NGEF: variants seen among roughly 807,000 people sequenced by gnomAD.
NGEF encodes the protein neuronal guanine nucleotide exchange factor, also known as ephexin-1.
Under a neutral mutation model 80.9 loss-of-function variants are expected in NGEF, and 31 were observed. The ratio of observed to expected loss-of-function variants is 0.38; its 90% CI spans 0.29 to 0.52. NGEF has a LOEUF of 0.52. Ranked by LOEUF, NGEF falls within the 20% of genes least tolerant of loss-of-function variation. The probability of loss-of-function intolerance (pLI) is 0.84; values close to 1 mark genes in which losing one functional copy is unlikely to be tolerated. For missense variants in NGEF, 709 were observed against 926.2 expected (o/e 0.77, Z 3.04); for synonymous variants, 371 against 370.2 (o/e 1.00, Z -0.03).
intron 1 of NGEF, among the ~76,000 whole-genome samples, chr2:232,985,340 G>A (rs1366301140): frequency 6.6e-6 from 1 of 152,150 alleles, no homozygotes; most frequent in Admixed American, 6.5e-5. Context: ...TTATGGGCTG[G>A]GTGCCATGGT....
intron 1 of NGEF, among the ~76,000 whole-genome samples, chr2:232,982,756 C>T (rs981926251): frequency 2.0e-5 from 3 of 152,200 alleles, no homozygotes; most frequent in South Asian, 2.1e-4. Flanking sequence ...TCAGGTGATC[C>T]GCCCGCCTCA....
intron 9 of NGEF, chr2:232,885,603 C>T (rs1462718147): frequency 3.7e-6 from 2 of 544,760 alleles, no homozygotes; most frequent in Non-Finnish European, 3.3e-6. Context: ...GGTGCCTTGC[C>T]CTTGCTAGGA....
chr2:232,883,581 A>C, intron 11 of NGEF, 115 bp from the exon 12 acceptor site: 1 of 1,069,166 alleles, frequency 9.4e-7, no homozygotes, highest in East Asian at 2.8e-5. Context: ...GCTGATCTTC[A>C]CCTCCTTCTG....
intron 1 of NGEF, among the ~76,000 whole-genome samples, chr2:232,998,121 G>C (rs1007625819): frequency 6.6e-6 from 1 of 151,852 alleles, no homozygotes; most frequent in African/African-American, 2.4e-5. Flanking sequence ...CCTGGGCAGC[G>C]ATGCTCTTCC....
At chr2:232,921,627 C>CTT (rs34498818) in intron 4 of NGEF, among the ~76,000 whole-genome samples, 20,410 of 139,508 alleles carry the variant, frequency 0.15, 1,861 homozygotes, top group African/African-American at 0.26. Context: ...AGTTTTTCCT[C>CTT]TTTTTTTTTT....
intron 10 of NGEF, 181 bp downstream of exon 10, chr2:232,885,099 C>CT (rs1468611641): frequency 9.8e-5 from 59 of 602,806 alleles, no homozygotes; most frequent in Non-Finnish European, 1.2e-4. Flanking sequence ...GTGGTGGTGT[C>CT]TGACGCCTGG....
At chr2:232,976,399 C>T (rs1238551136) in intron 1 of NGEF, among the ~76,000 whole-genome samples, 1 of 152,152 alleles carries the variant, frequency 6.6e-6, no homozygotes, top group Non-Finnish European at 1.5e-5. Context: ...CAAACACCTT[C>T]TTCTACACCC....
chr2:232,914,130 C>T (rs997405268), intron 5 of NGEF, among the ~76,000 whole-genome samples: 2 of 152,174 alleles, frequency 1.3e-5, no homozygotes, highest in African/African-American at 4.8e-5. Context: ...CATTCCTTTA[C>T]ACAGTGTCTA....
At chr2:232,883,227 C>T (rs770178765) in intron 12 of NGEF, 84 bp downstream of exon 12, 9 of 1,470,240 alleles carry the variant, frequency 6.1e-6, no homozygotes, top group Non-Finnish European at 8.2e-6. Context: ...TGCCTTGTTC[C>T]ACCTGGGGAC....
intron 3 of NGEF, among the ~76,000 whole-genome samples, chr2:232,947,642 C>T (rs1351358140): frequency 6.6e-6 from 1 of 152,166 alleles, no homozygotes; most frequent in Non-Finnish European, 1.5e-5. Flanking sequence ...TTCCTGAGGC[C>T]TCCTCAGCCA....
At chr2:232,901,702 C>T (rs1234013458) in intron 5 of NGEF, among the ~76,000 whole-genome samples, 2 of 152,234 alleles carry the variant, frequency 1.3e-5, no homozygotes, top group African/African-American at 4.8e-5. Flanking sequence ...ACACAGGTCA[C>T]CCCCAGTCCT....
At chr2:232,891,257 CTG>C (rs1427839018) in intron 8 of NGEF, 99 bp downstream of exon 8, 1 of 1,445,830 alleles carries the variant, frequency 6.9e-7, no homozygotes, top group Admixed American at 1.8e-5. Context: ...AGCTTAGTAT[CTG>C]TTGAACCAGT....
intron 1 of NGEF, among the ~76,000 whole-genome samples, chr2:233,011,860 C>T (rs1259324250): frequency 6.6e-6 from 1 of 152,154 alleles, no homozygotes; most frequent in Non-Finnish European, 1.5e-5. Context: ...CCTGGCTTTC[C>T]TGTGGGGATC....
At chr2:232,910,170 A>G (rs1692661602) in intron 5 of NGEF, among the ~76,000 whole-genome samples, 3 of 151,158 alleles carry the variant, frequency 2.0e-5, no homozygotes. Context: ...TGCTAGACCA[A>G]TGGTCTCCAG....
intron 9 of NGEF, among the ~76,000 whole-genome samples, chr2:232,886,128 T>C (rs1211092136): frequency 4.2e-5 from 1 of 23,746 alleles, no homozygotes; most frequent in East Asian, 1.5e-3. Context: ...GTGCTGTGTA[T>C]ATGCAGTGTG....
intron 5 of NGEF, among the ~76,000 whole-genome samples, chr2:232,903,685 C>T (rs768386408): frequency 6.6e-6 from 1 of 152,164 alleles, no homozygotes; most frequent in Non-Finnish European, 1.5e-5. Context: ...GTAATGGCCA[C>T]GTCCACCTCA....
intron 1 of NGEF, among the ~76,000 whole-genome samples, chr2:232,978,642 GA>G (rs1448814702): frequency 9.2e-5 from 14 of 152,082 alleles, no homozygotes; most frequent in African/African-American, 3.4e-4. Flanking sequence ...CCTCAACAGG[GA>G]AAAGTCCCCT....
At chr2:233,006,310 C>T (rs1354753089) in intron 1 of NGEF, among the ~76,000 whole-genome samples, 1 of 152,122 alleles carries the variant, frequency 6.6e-6, no homozygotes, top group African/African-American at 2.4e-5. Flanking sequence ...GGAAAAATGC[C>T]TTCACTTCTC....
rs190300977 is a variant in NGEF at position 232,921,784 on chromosome 2, T to G, written c.527-1199A>C. On this transcript the variant is annotated intron_variant, in intron 4 of 14. Coordinates refer to ENST00000264051, the MANE Select transcript of NGEF (RefSeq NM_019850.3). ...GTGAACCCCTGTGCCTGGTCCTGTC[T>G]GCATTTGACAAGCATAGACTGGGAG... Among the ~76,000 whole-genome samples, 114 of 152,286 alleles carry G rather than the reference T, an allele frequency of 7.5e-4. 1 individual carries two copies. Among genetic ancestry groups the G allele is most frequent in the Non-Finnish European group, 1.3e-3 (86 of 68,018 alleles).
Sources: gnomAD v4.1 joint callset for allele counts (sites outside exome capture counted in the v4.1 genomes callset) on GRCh38, gnomAD v4.1.1 for gene constraint, MANE v1.5 for transcripts, NCBI Gene and HGNC (gene_info 2026-07-23, HGNC 2026-07-21) for gene names.